DDX1: variants seen among roughly 807,000 people sequenced by gnomAD.
The protein encoded by DDX1 is ATP-dependent RNA helicase DDX1.
A neutral mutation model predicts 108.7 loss-of-function variants in DDX1; 28 were observed. The ratio of observed to expected loss-of-function variants is 0.26; its 90% CI spans 0.19 to 0.35. The LOEUF (loss-of-function observed/expected upper bound fraction) is 0.35. Among genes scored for constraint, DDX1 ranks in the 10% least tolerant of loss-of-function variants. DDX1 has a pLI of 1.00. For missense variants in DDX1, 710 were observed against 884.5 expected, an observed-to-expected ratio of 0.80 and a Z score of 2.50; for synonymous variants, 295 against 288.9, an observed-to-expected ratio of 1.02 and a Z score of -0.21.
chr2:15,629,708 G>T lies in DDX1; in HGVS notation c.1971+11G>T, dbSNP rs1273908771. Reference sequence around the variant, plus strand: ...TACAACGAGATGCAGGTAAGACTTCGAGTTAGGCTCACAAATAATGTATTA... The same window carrying T: ...TACAACGAGATGCAGGTAAGACTTCTAGTTAGGCTCACAAATAATGTATTA... On this transcript the variant is annotated intron_variant, in intron 24 of 25. Transcript: ENST00000233084. 2.0e-6 allele frequency: 3 copies of T among 1,527,748 alleles called. No homozygotes were observed. In the East Asian group the frequency reaches 7.1e-5, roughly 36 times the overall value. 94.6% of individuals were successfully genotyped at this position (1,527,748 alleles called of 1,614,324 possible). A position where few individuals can be genotyped will look rare whatever the true frequency, so the allele number is the denominator to read the frequency against.
chr2:15,621,020 A>T (rs1365833769), intron 17 of DDX1, 45 bp from the exon 18 acceptor site: 1 of 1,243,252 alleles, frequency 8.0e-7, no homozygotes. Context: ...CTGAATCATT[A>T]TTTAACCACT....
chr2:15,615,127 C>T (rs1190439852), intron 14 of DDX1, among the ~76,000 whole-genome samples: 1 of 152,218 alleles, frequency 6.6e-6, no homozygotes, highest in African/African-American at 2.4e-5. Context: ...TCTTCCACCA[C>T]ACTCTGGTTC....
At chr2:15,618,728 G>C (rs115907536) in intron 16 of DDX1, among the ~76,000 whole-genome samples, 86 of 152,362 alleles carry the variant, frequency 5.6e-4, no homozygotes, top group African/African-American at 2.0e-3. Flanking sequence ...TGCCCAGACT[G>C]TTCATGCCAA....
rs987601927 is a variant in DDX1, at chr2:15,620,497, T to C, written c.1395+101T>C. The C allele has an allele frequency of 2.8e-5, 25 of 891,652 alleles. No individual in the cohort carries two copies. The African/African-American group carries it at 4.1e-4, about 15-fold the overall frequency. 55.2% of individuals were successfully genotyped at this position (891,652 alleles called of 1,614,324 possible). A position where few individuals can be genotyped will look rare whatever the true frequency, so the allele number is the denominator to read the frequency against. ...ATGCTTAAGGCAATCAGTTATTGTA[T>C]CAAAGAAAAGTCCAATACATCGTAA... On this transcript the variant is annotated intron_variant, in intron 17 of 25. Transcript: ENST00000233084.
chr2:15,595,541 T>C lies in DDX1; in HGVS notation c.120T>C (p.Gly40=), dbSNP rs1378373697. ...CTATCCCATTGATCTTAGGAGGAGG[T>C]GATGTACTTATGGTAAGTTTAAATT... ...AESIPLILGG[G]DVLMAAETGS... The change falls in exon 3 of 26, where the codon GGT becomes GGC. Residue 40 remains glycine (G), a synonymous_variant. Coordinates refer to ENST00000233084, the MANE Select transcript of DDX1 (RefSeq NM_004939.3). 1 of 1,608,400 alleles carries C rather than the reference T, an allele frequency of 6.2e-7. No individual in the cohort carries two copies. Among genetic ancestry groups the C allele is most frequent in the East Asian group, 2.2e-5 (1 of 44,782 alleles).
rs370534542 is a variant in DDX1 at position 15,620,394 on chromosome 2, A to C, written c.1393A>C (p.Arg465=). 35 of 1,608,014 alleles carry C rather than the reference A, an allele frequency of 2.2e-5. No individual in the cohort carries two copies. The highest frequency in any genetic ancestry group is 2.8e-5 in the Non-Finnish European group (33 of 1,177,740). Residue 465 remains arginine (R), a splice_region_variant and synonymous_variant, in exon 17 of 26, where the codon AGA becomes CGA. Coordinates refer to ENST00000233084, the MANE Select transcript of DDX1 (RefSeq NM_004939.3). ...LWERLGKSHI[R]TDDVHAKDNT... ...GGAAAGGCTTGGAAAGAGCCACATTAGAGTAAGTGGTTTATAATATTAACA... is the reference window on the plus strand; with the variant it reads ...GGAAAGGCTTGGAAAGAGCCACATTCGAGTAAGTGGTTTATAATATTAACA...
intron 4 of DDX1, 45 bp downstream of exon 4, chr2:15,596,808 T>G: frequency 1.4e-6 from 2 of 1,469,080 alleles, no homozygotes; most frequent in Non-Finnish European, 1.9e-6. Context: ...AGTTGAATTT[T>G]AAAATAACTT....
At chr2:15,600,306 T>C (rs955343582) in intron 6 of DDX1, among the ~76,000 whole-genome samples, 3 of 152,220 alleles carry the variant, frequency 2.0e-5, no homozygotes, top group African/African-American at 7.2e-5. Context: ...GATTGTTCCA[T>C]AGTGAGCAGC....
intron 18 of DDX1, 55 bp from the exon 19 acceptor site, chr2:15,623,381 A>T (rs942053388): frequency 6.3e-7 from 1 of 1,577,590 alleles, no homozygotes; most frequent in African/African-American, 1.3e-5. Context: ...ATGTGTATTC[A>T]TGACAAGTTC....
intron 18 of DDX1, among the ~76,000 whole-genome samples, 182 bp from the exon 19 acceptor site, chr2:15,623,254 G>A (rs1027934352): frequency 2.0e-5 from 3 of 151,934 alleles, no homozygotes; most frequent in African/African-American, 7.3e-5. Flanking sequence ...ATGAATGAAT[G>A]GTTTAACTCA....
chr2:15,618,616 A>C (rs1665939689), intron 16 of DDX1, among the ~76,000 whole-genome samples: 1 of 152,238 alleles, frequency 6.6e-6, no homozygotes, highest in South Asian at 2.1e-4. Flanking sequence ...GCTGGTGGCC[A>C]GGCCCCGAGG....
At chr2:15,618,805 C>T (rs141325184) in intron 16 of DDX1, among the ~76,000 whole-genome samples, 22 of 152,372 alleles carry the variant, frequency 1.4e-4, no homozygotes, top group Middle Eastern at 3.4e-3. Flanking sequence ...TGTTCGCTGG[C>T]GCCCAAAGGC....
intron 20 of DDX1, 131 bp from the exon 21 acceptor site, chr2:15,628,314 G>C (rs945804269): frequency 5.8e-5 from 37 of 640,102 alleles, no homozygotes; most frequent in Non-Finnish European, 9.6e-5. Flanking sequence ...TAAATTAGGA[G>C]TATGTCGACC....
chr2:15,630,638 G>C, intron 25 of DDX1, 138 bp from the exon 26 acceptor site: 5 of 803,460 alleles, frequency 6.2e-6, no homozygotes, highest in Non-Finnish European at 8.0e-6. Flanking sequence ...TAAAGTCAAA[G>C]TTCTGGAGAT....
At chr2:15,614,310 T>G (rs1311799769) in intron 14 of DDX1, among the ~76,000 whole-genome samples, 1 of 152,210 alleles carries the variant, frequency 6.6e-6, no homozygotes, top group South Asian at 2.1e-4. Flanking sequence ...TCCAATTCCA[T>G]TGGTGCTCTT....
intron 18 of DDX1, among the ~76,000 whole-genome samples, chr2:15,621,907 G>A (rs1282786008): frequency 1.3e-5 from 2 of 152,216 alleles, no homozygotes; most frequent in Non-Finnish European, 2.9e-5. Flanking sequence ...ACCCGCCTTG[G>A]CTTCACAAAG....
chr2:15,613,833 A>ATTT (rs61546961), intron 14 of DDX1, among the ~76,000 whole-genome samples: 7 of 133,390 alleles, frequency 5.2e-5, no homozygotes, highest in Admixed American at 7.7e-5. Flanking sequence ...AAGTTTAGGA[A>ATTT]TTTTTTTTTT....
intron 6 of DDX1, among the ~76,000 whole-genome samples, chr2:15,602,313 G>A (rs896539937): frequency 1.3e-5 from 2 of 152,162 alleles, no homozygotes; most frequent in Non-Finnish European, 2.9e-5. Flanking sequence ...TGGCAGCATA[G>A]AAAATAGCCC....
Position 15,613,251 on chromosome 2 carries a change from A to C in DDX1, c.984A>C (p.Ala328=). ...LRELLIIGGV[A]ARDQLSVLEN... ...AGCTTCTGATAATTGGAGGTGTTGC[A>C]GCCCGGGATCAGCTCTCTGTTTTGG... The change falls in exon 14 of 26, where the codon GCA becomes GCC. Residue 328 remains alanine, a synonymous_variant. Coordinates refer to ENST00000233084, the MANE Select transcript of DDX1 (RefSeq NM_004939.3). 1.9e-6 allele frequency: 3 copies of C among 1,605,938 alleles called. No individual in the cohort carries two copies. The South Asian group carries it at 3.4e-5, about 18-fold the overall frequency.
Sources: gnomAD v4.1 joint callset for allele counts (sites outside exome capture counted in the v4.1 genomes callset) on GRCh38, gnomAD v4.1.1 for gene constraint, MANE v1.5 for transcripts, NCBI Gene and HGNC (gene_info 2026-07-23, HGNC 2026-07-21) for gene names.